The following MYBPH variants were observed in gnomAD, a reference collection of about 807,000 sequenced individuals.
The protein encoded by MYBPH is myosin-binding protein H.
Under a neutral mutation model 53.6 loss-of-function variants are expected in MYBPH, and 49 were observed. The observed-to-expected ratio is 0.91, with a 90% confidence interval of 0.73 to 1.16. The LOEUF is 1.16. MYBPH is among the 50% of genes most tolerant of loss of function. The pLI is 0.00. For synonymous variants in MYBPH, 239 were observed against 249.6 expected (o/e 0.96, Z 0.40); for missense variants, 558 against 624.1 (o/e 0.89, Z 1.13).
Position 203,175,380 on chromosome 1 carries a change from C to T in MYBPH, c.287G>A (p.Arg96Lys). The part of the protein sequence containing the change: ...SVTVSWEPPE[R>K]LGRLGLQGYV... Reference sequence around the variant, plus strand: ...GCCCTGGAGGCCCAGCCTCCCCAGCCTCTCTGGGGGCTCCCAGCTCACAGT... The same window carrying T: ...GCCCTGGAGGCCCAGCCTCCCCAGCTTCTCTGGGGGCTCCCAGCTCACAGT... Residue 96 changes from arginine (R) to lysine (K), a missense_variant, in exon 2 of 11, where the codon AGG (arginine) becomes AAG (lysine). Transcript: ENST00000255416. 1 of 1,532,970 alleles carries T rather than the reference C, an allele frequency of 6.5e-7. No individual in the cohort carries two copies. Among genetic ancestry groups the T allele is most frequent in the Non-Finnish European group, 8.7e-7 (1 of 1,143,176 alleles). The allele number at this position is 1,532,970 out of a possible 1,614,324, so 95.0% of individuals were successfully genotyped here.
chr1:203,171,214 G>A lies in MYBPH; in HGVS notation c.794-14C>T, dbSNP rs1655688852. Reference sequence around the variant, plus strand: ...GTCCAGGTTTCTCTGTAGGCCCAGAGTGTGAGAGGAAGTGAGTGTGAGGGC... The same window carrying A: ...GTCCAGGTTTCTCTGTAGGCCCAGAATGTGAGAGGAAGTGAGTGTGAGGGC... On this transcript the variant is annotated splice_polypyrimidine_tract_variant and intron_variant, in intron 5 of 10. Coordinates refer to ENST00000255416, the MANE Select transcript of MYBPH (RefSeq NM_004997.3). This position sits in a 1 kb window ranked among gnomAD's most constrained non-coding sequence, Gnocchi z 4.2. The A allele has an allele frequency of 6.3e-7, 1 of 1,576,936 alleles. No homozygotes were observed. Among genetic ancestry groups the A allele is most frequent in the South Asian group, 1.2e-5 (1 of 84,570 alleles).
Position 203,169,007 on chromosome 1 carries a change from A to G in MYBPH, c.1316T>C (p.Leu439Pro). 1.2e-6 allele frequency: 2 copies of G among 1,613,882 alleles called. No homozygotes were observed. The highest frequency in any genetic ancestry group is 1.7e-6 in the Non-Finnish European group (2 of 1,180,022). Residue 439 changes from leucine (L) to proline (P), a missense_variant, in exon 9 of 11, where the codon CTA becomes CCA. Coordinates refer to ENST00000255416, the MANE Select transcript of MYBPH (RefSeq NM_004997.3). Reference protein sequence around the residue: ...RALSEQGVCTLEIRKPSPFDS... With the variant: ...RALSEQGVCTPEIRKPSPFDS... ...AAAGGGGCTGGGTTTCCGGATCTCT[A>G]GGGTGCAGACGCCTTGCTCAGAGAG... is the stretch of plus-strand genomic sequence containing the variant.
In MYBPH at chr1:203,170,341, A is replaced by G. The variant is rs777872589; in HGVS notation, c.1043T>C (p.Leu348Pro). The G allele has an allele frequency of 5.0e-6, 8 of 1,614,072 alleles. No individual in the cohort carries two copies. The African/African-American group carries it at 9.3e-5, about 19-fold the overall frequency. ...CTTGGTGACGGTGGCCGAGGTGCTG[A>G]GTCCACACAGGTTTTCTGAGAAGAC... ...FRVFSENLCG[L>P]STSATVTKEL... is the part of the protein sequence containing the mutation. The change falls in exon 7 of 11, where the codon CTC (leucine) becomes CCC (proline). Residue 348 changes from leucine to proline, a missense_variant. Transcript: ENST00000255416.
Position 203,171,207 on chromosome 1 carries a change from G to A in MYBPH, c.794-7C>T. 1.3e-6 allele frequency: 2 copies of A among 1,583,918 alleles called. No homozygotes were observed. The highest frequency in any genetic ancestry group is 1.7e-6 in the Non-Finnish European group (2 of 1,166,680). On this transcript the variant is annotated splice_polypyrimidine_tract_variant and splice_region_variant and intron_variant, in intron 5 of 10. Transcript: ENST00000255416. The surrounding 1 kb of genome is among the most constrained non-coding windows in gnomAD (Gnocchi z 4.2). The stretch of plus-strand genomic sequence containing the variant: ...CTGGGGGGTCCAGGTTTCTCTGTAG[G>A]CCCAGAGTGTGAGAGGAAGTGAGTG...
At position 203,171,889 on chromosome 1, in the gene MYBPH, TC is replaced by T; in HGVS notation, c.597+62del. 9.4e-7 allele frequency: 1 copy of T among 1,066,770 alleles called. No individual in the cohort carries two copies. The highest frequency in any genetic ancestry group is 1.2e-6 in the Non-Finnish European group (1 of 810,614). The allele number at this position is 1,066,770 out of a possible 1,614,324, so 66.1% of individuals were successfully genotyped here. On this transcript the variant is annotated intron_variant, in intron 4 of 10. Transcript: ENST00000255416. This position sits in a 1 kb window ranked among gnomAD's most constrained non-coding sequence, Gnocchi z 4.2. ...TTGGAGACCCTGCCATCTCCCAGGC[TC>T]CCCTTAAATGGGGGCCCTGGTTCCC...
At chr1:203,170,854 C>T (rs573122997) in intron 6 of MYBPH, among the ~76,000 whole-genome samples, 1 of 152,338 alleles carries the variant, frequency 6.6e-6, no homozygotes, top group Admixed American at 6.5e-5. Context: ...CTTCAGACAG[C>T]CCGGGCCAGC....
At chr1:203,174,323 G>T in intron 3 of MYBPH, 107 bp downstream of exon 3, 1 of 1,482,140 alleles carries the variant, frequency 6.7e-7, no homozygotes. Flanking sequence ...GTGAGCGTGG[G>T]ACGGGGGAAA....
At chr1:203,168,715 G>A (rs565916895) in intron 9 of MYBPH, 40 bp from the exon 10 acceptor site, 38 of 1,578,482 alleles carry the variant, frequency 2.4e-5, no homozygotes, top group Non-Finnish European at 2.8e-5. Flanking sequence ...GGGAAGTGGC[G>A]GGGAACTGGA....
rs1418202934 is a variant in MYBPH at position 203,175,757 on chromosome 1, G to A, written c.-2C>T. On this transcript the variant is annotated 5_prime_UTR_variant, in exon 1 of 11. Coordinates refer to ENST00000255416, the MANE Select transcript of MYBPH (RefSeq NM_004997.3). The stretch of plus-strand genomic sequence containing the variant: ...CTCGGAGGTGTTTTTTTCCATCATT[G>A]CTGGACTGGCTGGGGGGCCAGGGTG... The A allele has an allele frequency of 1.9e-6, 3 of 1,613,682 alleles. No homozygotes were observed. The highest frequency in any genetic ancestry group is 1.3e-5 in the African/African-American group (1 of 75,016).
chr1:203,169,973 C>G (rs552346591), intron 7 of MYBPH, among the ~76,000 whole-genome samples: 1 of 152,206 alleles, frequency 6.6e-6, no homozygotes, highest in Non-Finnish European at 1.5e-5. Context: ...AGGTTCCCTT[C>G]GGACACTCAC....
chr1:203,170,284 A>C lies in MYBPH; in HGVS notation c.1093+7T>G. 1 of 1,614,006 alleles carries C rather than the reference A, an allele frequency of 6.2e-7. No individual in the cohort carries two copies. Among genetic ancestry groups the C allele is most frequent in the Non-Finnish European group, 8.5e-7 (1 of 1,179,940 alleles). ...GTTAGCACAGCCAGCTCCGGGCCCA[A>C]ACCCACCTGCCTTCTGGATGTGGGC... On this transcript the variant is annotated splice_region_variant and intron_variant, in intron 7 of 10. Transcript: ENST00000255416.
chr1:203,168,363 T>C (rs1310730861), intron 10 of MYBPH, among the ~76,000 whole-genome samples: 1 of 152,344 alleles, frequency 6.6e-6, no homozygotes, highest in Middle Eastern at 3.4e-3. Flanking sequence ...ACACCCTTGC[T>C]GAAGATCACT....
At chr1:203,172,794 G>C (rs1392790375) in intron 3 of MYBPH, among the ~76,000 whole-genome samples, 1 of 152,204 alleles carries the variant, frequency 6.6e-6, no homozygotes, top group Non-Finnish European at 1.5e-5. Flanking sequence ...GTCCCCTGGG[G>C]TGGGTGCTGG....
In MYBPH at chr1:203,175,695, A is replaced by G; in HGVS notation, c.61T>C (p.Ser21Pro). The stretch of plus-strand genomic sequence containing the variant: ...GGCTCTGCTGTGGGCACCTTGGCAG[A>G]TTCAGATGCGGTCTCCTCTGGACTG... ...ACSPEETASE[S>P]AKVPTAEPPG... is the part of the protein sequence containing the mutation. The change falls in exon 1 of 11, where the codon TCT becomes CCT. Residue 21 changes from serine (S) to proline (P), a missense_variant. Ser to Pro is a moderately conservative substitution (Grantham distance 74). Transcript: ENST00000255416. 1 of 1,613,960 alleles carries G rather than the reference A, an allele frequency of 6.2e-7. No individual in the cohort carries two copies. The highest frequency in any genetic ancestry group is 8.5e-7 in the Non-Finnish European group (1 of 1,179,986).
chr1:203,171,410 T>G lies in MYBPH; in HGVS notation c.766A>C (p.Lys256Gln). The change falls in exon 5 of 11, where the codon AAG becomes CAG. Residue 256 changes from lysine to glutamine, a missense_variant. Coordinates refer to ENST00000255416, the MANE Select transcript of MYBPH (RefSeq NM_004997.3). This position sits in a 1 kb window ranked among gnomAD's most constrained non-coding sequence, Gnocchi z 4.2. ...ATCACCAGGATGTCAATGACTGCCT[T>G]GGCCTCCAGGTCTTCCACGCGCACA... Reference protein sequence around the residue: ...LTVRVEDLEAKAVIDILVIEK... With the variant: ...LTVRVEDLEAQAVIDILVIEK... The G allele has an allele frequency of 6.2e-7, 1 of 1,613,770 alleles. No homozygotes were observed. The highest frequency in any genetic ancestry group is 8.5e-7 in the Non-Finnish European group (1 of 1,179,926).
intron 3 of MYBPH, among the ~76,000 whole-genome samples, chr1:203,173,917 G>A (rs1655749809): frequency 6.6e-6 from 1 of 152,252 alleles, no homozygotes; most frequent in Non-Finnish European, 1.5e-5. Flanking sequence ...GGGCCCCAGT[G>A]AGGTATGCCC....
At position 203,171,588 on chromosome 1, in the gene MYBPH, A is replaced by G; in HGVS notation, c.598-10T>C. 6.2e-7 allele frequency: 1 copy of G among 1,607,070 alleles called. No individual in the cohort carries two copies. The highest frequency in any genetic ancestry group is 8.5e-7 in the Non-Finnish European group (1 of 1,177,792). ...GAGGCTTAGGCTTCCCCTGGCAGGG[A>G]GGAGCCCCCAGGGTGAGTGTAGGGA... On this transcript the variant is annotated splice_polypyrimidine_tract_variant and intron_variant, in intron 4 of 10. Transcript: ENST00000255416. This position sits in a 1 kb window ranked among gnomAD's most constrained non-coding sequence, Gnocchi z 4.2.
intron 9 of MYBPH, 70 bp downstream of exon 9, chr1:203,168,836 A>T: frequency 6.3e-7 from 1 of 1,591,884 alleles, no homozygotes; most frequent in Admixed American, 1.7e-5. Context: ...CTTGATTTTA[A>T]GCTGTCTGCT....
At chr1:203,168,882 G>A in intron 9 of MYBPH, 24 bp downstream of exon 9, 1 of 1,612,720 alleles carries the variant, frequency 6.2e-7, no homozygotes, top group South Asian at 1.1e-5. Flanking sequence ...GCTTACTCCT[G>A]TTCTCCCGTC....
Sources: gnomAD v4.1 joint callset for allele counts (sites outside exome capture counted in the v4.1 genomes callset) on GRCh38, gnomAD v4.1.1 for gene constraint, Gnocchi (gnomAD v3.1) non-coding constraint, MANE v1.5 for transcripts, NCBI Gene and HGNC (gene_info 2026-07-23, HGNC 2026-07-21) for gene names.